Variants in CCAR1 observed in about 807,000 individuals in gnomAD.
CCAR1 encodes the protein cell division cycle and apoptosis regulator 1.
A neutral mutation model predicts 163.8 loss-of-function variants in CCAR1; 78 were observed. The observed-to-expected ratio is 0.48, with a 90% CI of 0.40 to 0.57. CCAR1 has a LOEUF of 0.57. Among genes scored for constraint, CCAR1 ranks in the 20% least tolerant of loss-of-function variants. The pLI, the probability that CCAR1 is intolerant of heterozygous loss-of-function variation, is 0.00. For synonymous variants in CCAR1, 443 were observed against 460.7 expected, an observed-to-expected ratio of 0.96 and a Z score of 0.49; for missense variants, 1,019 against 1,365.2, an observed-to-expected ratio of 0.75 and a Z score of 4.00.
intron 19 of CCAR1, among the ~76,000 whole-genome samples, chr10:68,778,687 C>T (rs542511674): frequency 1.3e-5 from 2 of 152,284 alleles, no homozygotes; most frequent in Admixed American, 6.5e-5. Flanking sequence ...TTCCAAGTTC[C>T]TGGAACAGTC....
Position 68,788,163 on chromosome 10 carries a change from A to T in CCAR1, c.3022A>T (p.Thr1008Ser). The change falls in exon 23 of 25, where the codon ACA (threonine) becomes TCA (serine). Residue 1008 changes from threonine (T) to serine (S), a missense_variant. Physicochemically the swap from Thr to Ser is moderately conservative, Grantham distance 58. Around this residue, in one of 4 missense-constraint regions of CCAR1, gnomAD observed 358 missense variants for 406.4 expected, o/e 0.88. Coordinates refer to ENST00000265872, the MANE Select transcript of CCAR1 (RefSeq NM_018237.4). ...DMLGNRLLLP[T>S]PTVKQESKDV... ...TATAGGAAACAGATTATTACTTCCA[A>T]CACCAACAGTAAAGCAGGAATCAAA... 1 of 1,576,306 alleles carries T rather than the reference A, an allele frequency of 6.3e-7. No homozygotes were observed.
rs981766712 is a variant in CCAR1 at position 68,786,118 on chromosome 10, G to T, written c.2651-18G>T. The T allele has an allele frequency of 6.4e-6, 10 of 1,574,046 alleles. No individual in the cohort carries two copies. The highest frequency in any genetic ancestry group is 1.7e-5 in the Admixed American group (1 of 59,232). ...GTGTATTAATGACTTTTTTGCCACT[G>T]TTATATTTATTTTACAGATAGGGAT... On this transcript the variant is annotated intron_variant, in intron 19 of 24. Coordinates refer to ENST00000265872, the MANE Select transcript of CCAR1 (RefSeq NM_018237.4).
At position 68,722,559 on chromosome 10, in the gene CCAR1, A is replaced by G. The variant is rs1196390391; in HGVS notation, c.55A>G (p.Thr19Ala). ...GCCATGGGCTACTCAGTTTACAGCCACTGCAGTATCACAGCCAGGTCAGGC... is the reference window on the plus strand; with the variant it reads ...GCCATGGGCTACTCAGTTTACAGCCGCTGCAGTATCACAGCCAGGTCAGGC... ...NPPWATQFTA[T>A]AVSQPAALGV... The change falls in exon 2 of 25, where the codon ACT (threonine) becomes GCT (alanine). Residue 19 changes from threonine to alanine, a missense_variant. Coordinates refer to ENST00000265872, the MANE Select transcript of CCAR1 (RefSeq NM_018237.4). The G allele has an allele frequency of 1.9e-6, 3 of 1,613,212 alleles. No individual in the cohort carries two copies. Among genetic ancestry groups the G allele is most frequent in the Non-Finnish European group, 1.7e-6 (2 of 1,179,174 alleles).
At chr10:68,747,652 G>T in intron 8 of CCAR1, 86 bp downstream of exon 8, 1 of 1,271,604 alleles carries the variant, frequency 7.9e-7, no homozygotes, top group South Asian at 1.4e-5. Context: ...AAAAGGCAGG[G>T]ATTTCAAGAA....
chr10:68,732,297 C>A (rs754289556), intron 2 of CCAR1, among the ~76,000 whole-genome samples: 3 of 152,014 alleles, frequency 2.0e-5, no homozygotes, highest in African/African-American at 7.3e-5. Flanking sequence ...GCGTCTTGTT[C>A]CTATTTACAT....
intron 2 of CCAR1, among the ~76,000 whole-genome samples, chr10:68,727,266 G>A (rs908268889): frequency 2.0e-5 from 3 of 151,656 alleles, no homozygotes; most frequent in Non-Finnish European, 2.9e-5. Flanking sequence ...TAGTAAACAT[G>A]GGGTTTTGCC....
At chr10:68,755,148 T>G (rs764885181) in intron 12 of CCAR1, 2 of 731,016 alleles carry the variant, frequency 2.7e-6, no homozygotes, top group South Asian at 2.9e-5. Context: ...AAGAACTCTA[T>G]CTGAAGAAAT....
chr10:68,745,218 G>T (rs2056236921), intron 6 of CCAR1, among the ~76,000 whole-genome samples: 1 of 152,070 alleles, frequency 6.6e-6, no homozygotes, highest in Non-Finnish European at 1.5e-5. Context: ...GTGTTGGTCA[G>T]GCTGGTCTCG....
At chr10:68,777,953 G>A (rs1213253179) in intron 19 of CCAR1, among the ~76,000 whole-genome samples, 1 of 152,140 alleles carries the variant, frequency 6.6e-6, no homozygotes, top group Non-Finnish European at 1.5e-5. Context: ...GGGTGCGGTG[G>A]CTCATGCCTG....
At chr10:68,745,872 G>T (rs2056246885) in intron 6 of CCAR1, among the ~76,000 whole-genome samples, 1 of 152,066 alleles carries the variant, frequency 6.6e-6, no homozygotes, top group Non-Finnish European at 1.5e-5. Flanking sequence ...GTCTTGAACT[G>T]ACTGCAAGTG....
chr10:68,765,780 T>C, intron 16 of CCAR1, 108 bp from the exon 17 acceptor site: 1 of 737,954 alleles, frequency 1.4e-6, no homozygotes, highest in Non-Finnish European at 2.2e-6. Context: ...GTCATGGGAA[T>C]TTTGTTCCTT....
rs1307387275 is a variant in CCAR1, at chr10:68,722,109, T to A, written c.-50-346T>A. On this transcript the variant is annotated intron_variant, in intron 1 of 24. Coordinates refer to ENST00000265872, the MANE Select transcript of CCAR1 (RefSeq NM_018237.4). ...TGCCAGAAGAAACACGCAGGCTGTA[T>A]TTCCTGTGAATATAAAGTTGTGAAC... Among the ~76,000 whole-genome samples the A allele has an allele frequency of 2.6e-5, 4 of 152,170 alleles. No homozygotes were observed. In the East Asian group the frequency reaches 7.7e-4, roughly 29 times the overall value.
At chr10:68,753,025 T>A (rs531391519) in intron 10 of CCAR1, among the ~76,000 whole-genome samples, 1 of 151,526 alleles carries the variant, frequency 6.6e-6, no homozygotes, top group Non-Finnish European at 1.5e-5. Flanking sequence ...TATTACTCTG[T>A]ATTTATTTTT....
At chr10:68,740,766 T>A (rs1416335530) in intron 5 of CCAR1, 105 bp downstream of exon 5, 4 of 842,112 alleles carry the variant, frequency 4.7e-6, no homozygotes, top group Non-Finnish European at 5.7e-6. Context: ...CTTGTTAGAT[T>A]CACCTAATAA....
intron 2 of CCAR1, among the ~76,000 whole-genome samples, chr10:68,725,908 G>T (rs185373776): frequency 1.1e-3 from 161 of 152,050 alleles, no homozygotes; most frequent in Non-Finnish European, 1.9e-3. Flanking sequence ...TTGCATCCAG[G>T]AGTCCAAGAC....
intron 19 of CCAR1, among the ~76,000 whole-genome samples, chr10:68,779,990 C>T (rs1410681615): frequency 6.6e-6 from 1 of 151,834 alleles, no homozygotes; most frequent in Non-Finnish European, 1.5e-5. Flanking sequence ...GATCACTACT[C>T]TCATTTTGTG....
chr10:68,721,557 C>G, intron 1 of CCAR1: 1 of 449,124 alleles, frequency 2.2e-6, no homozygotes, highest in African/African-American at 2.1e-5. Flanking sequence ...TGCAGTCCGC[C>G]GCCCCATTGC....
At chr10:68,763,747 C>T (rs1181934984) in intron 16 of CCAR1, among the ~76,000 whole-genome samples, 1 of 152,176 alleles carries the variant, frequency 6.6e-6, no homozygotes, top group Non-Finnish European at 1.5e-5. Context: ...CGTGCTCAGC[C>T]CTCAATGAGT....
chr10:68,759,345 C>G (rs2056439740), intron 15 of CCAR1: 1 of 152,674 alleles, frequency 6.5e-6, no homozygotes, highest in South Asian at 2.1e-4. Flanking sequence ...AGCCTGGAAG[C>G]TGGAGCCTGC....
Sources: allele counts gnomAD v4.1 joint callset (sites outside exome capture counted in the v4.1 genomes callset), GRCh38; gene constraint gnomAD v4.1.1; regional missense constraint gnomAD v4.1.1; transcripts MANE v1.5; gene names NCBI Gene and HGNC (gene_info 2026-07-23, HGNC 2026-07-21).